Variants in UGT8 observed in about 807,000 individuals in gnomAD.
The protein encoded by UGT8 is 2-hydroxyacylsphingosine 1-beta-galactosyltransferase.
In UGT8, 12 loss-of-function variants were observed where a neutral mutation model predicts 40.5. The ratio of observed to expected loss-of-function variants is 0.30; its 90% CI spans 0.19 to 0.48. The LOEUF (loss-of-function observed/expected upper bound fraction) is 0.48, where lower values mean the gene tolerates loss of function less well. Among genes scored for constraint, UGT8 ranks in the 20% least tolerant of loss-of-function variants. The pLI is 0.99. For missense variants in UGT8, 513 were observed against 648.7 expected, an observed-to-expected ratio of 0.79 and a Z score of 2.27; for synonymous variants, 224 against 240.4, an observed-to-expected ratio of 0.93 and a Z score of 0.63.
chr4:114,602,042 T>C (rs561416959), intron 1 of UGT8, among the ~76,000 whole-genome samples: 2 of 152,344 alleles, frequency 1.3e-5, no homozygotes, highest in Admixed American at 6.5e-5. Context: ...CTGAAATGTT[T>C]AGGTTTCCAG....
At chr4:114,644,141 T>A (rs1385558222) in intron 2 of UGT8, among the ~76,000 whole-genome samples, 2 of 152,122 alleles carry the variant, frequency 1.3e-5, no homozygotes, top group African/African-American at 2.4e-5. Context: ...TGGGGCCCCA[T>A]GTGTAAATGA....
intron 1 of UGT8, among the ~76,000 whole-genome samples, chr4:114,620,796 C>A (rs1731736550): frequency 6.6e-6 from 1 of 152,078 alleles, no homozygotes; most frequent in Non-Finnish European, 1.5e-5. Flanking sequence ...GATTTCTTTA[C>A]ATTGCTTGTA....
intron 2 of UGT8, among the ~76,000 whole-genome samples, chr4:114,625,955 G>A (rs762029160): frequency 7.2e-5 from 11 of 152,122 alleles, no homozygotes; most frequent in Non-Finnish European, 1.2e-4. Flanking sequence ...TACAAAGTTT[G>A]CTTTGTGCCA....
At chr4:114,650,561 T>C (rs1344902126) in intron 2 of UGT8, among the ~76,000 whole-genome samples, 1 of 152,192 alleles carries the variant, frequency 6.6e-6, no homozygotes, top group Non-Finnish European at 1.5e-5. Context: ...TAAAGTATAA[T>C]ATATGTATTC....
Position 114,668,206 on chromosome 4 carries a change from C to G in UGT8, c.1164C>G (p.Thr388=), listed in dbSNP as rs182536670. The G allele has an allele frequency of 1.6e-4, 265 of 1,613,778 alleles. No individual in the cohort carries two copies. Among genetic ancestry groups the G allele is most frequent in the Non-Finnish European group, 2.1e-4 (242 of 1,179,834 alleles). Residue 388 remains threonine, a synonymous_variant, in exon 5 of 6, where the codon ACC becomes ACG. Coordinates refer to ENST00000310836, the MANE Select transcript of UGT8 (RefSeq NM_001128174.3). ...PLFGDHYDTM[T]RVQAKGMGIL... ...TTGGAGACCATTATGATACTATGAC[C>G]AGAGTACAGGCAAAAGGCATGGGGA...
Position 114,622,920 on chromosome 4 carries a change from G to T in UGT8, c.40G>T (p.Ala14Ser), listed in dbSNP as rs551137363. 6.2e-7 allele frequency: 1 copy of T among 1,613,968 alleles called. No homozygotes were observed. Among genetic ancestry groups the T allele is most frequent in the African/African-American group, 1.3e-5 (1 of 75,036 alleles). ...YTPYFILLWS[A>S]VGIAKAAKII... ...TCCATATTTCATTCTCCTGTGGAGT[G>T]CTGTTGGGATAGCGAAGGCTGCCAA... The change falls in exon 2 of 6, where the codon GCT becomes TCT. Residue 14 changes from alanine to serine, a missense_variant. Transcript: ENST00000310836.
In UGT8 at chr4:114,623,517, C is replaced by T; in HGVS notation, c.637C>T (p.Pro213Ser). The change falls in exon 2 of 6, where the codon CCC becomes TCC. Residue 213 changes from proline (P) to serine (S), a missense_variant. By Grantham distance (74) the Pro-to-Ser change is moderately conservative. Coordinates refer to ENST00000310836, the MANE Select transcript of UGT8 (RefSeq NM_001128174.3). ...SRLGVSFLVLPKYERIMQKYN... is the reference protein window; with the variant it reads ...SRLGVSFLVLSKYERIMQKYN... ...ATTAGGGGTCAGCTTTCTGGTTCTTCCCAAATATGAAAGGATAATGCAGAA... is the reference window on the plus strand; with the variant it reads ...ATTAGGGGTCAGCTTTCTGGTTCTTTCCAAATATGAAAGGATAATGCAGAA... The T allele has an allele frequency of 1.2e-6, 2 of 1,614,126 alleles. No homozygotes were observed. Among genetic ancestry groups the T allele is most frequent in the South Asian group, 2.2e-5 (2 of 91,076 alleles).
chr4:114,678,143 CAGT>C lies in UGT8; in HGVS notation c.*1858_*1860del, dbSNP rs1735763702. ...CTTTTTTGGAATTTGATTAAGTTGA[CAGT>C]AGGCACTGATTGGATGATTAAACAT... is the stretch of plus-strand genomic sequence containing the variant. On this transcript the variant is annotated 3_prime_UTR_variant, in exon 6 of 6. Transcript: ENST00000310836. 1.3e-5 allele frequency: 2 copies of C among 152,068 alleles called. No homozygotes were observed. Among genetic ancestry groups the C allele is most frequent in the African/African-American group, 2.4e-5 (1 of 41,390 alleles). The allele number at this position is 152,068 out of a possible 1,614,324, so 9.4% of individuals were successfully genotyped here. A position where few individuals can be genotyped will look rare whatever the true frequency, so the allele number is the denominator to read the frequency against.
chr4:114,605,674 G>A (rs933806928), intron 1 of UGT8, among the ~76,000 whole-genome samples: 2 of 152,028 alleles, frequency 1.3e-5, no homozygotes, highest in African/African-American at 4.8e-5. Flanking sequence ...GAAACATCAA[G>A]TTTAAATAAT....
At chr4:114,635,546 C>T (rs538896864) in intron 2 of UGT8, among the ~76,000 whole-genome samples, 26 of 152,090 alleles carry the variant, frequency 1.7e-4, no homozygotes, top group Non-Finnish European at 3.5e-4. Context: ...TTATACCTTT[C>T]AGCTTTTTGT....
intron 2 of UGT8, among the ~76,000 whole-genome samples, chr4:114,645,554 A>C (rs1733518428): frequency 6.6e-6 from 1 of 152,180 alleles, no homozygotes; most frequent in African/African-American, 2.4e-5. Flanking sequence ...TTGTTAGAAA[A>C]ATACCACAAA....
chr4:114,623,683 C>T lies in UGT8; in HGVS notation c.803C>T (p.Pro268Leu). The T allele has an allele frequency of 6.3e-7, 1 of 1,594,068 alleles. No homozygotes were observed. Among genetic ancestry groups the T allele is most frequent in the Non-Finnish European group, 8.6e-7 (1 of 1,164,898 alleles). Residue 268 changes from proline (P) to leucine (L), a missense_variant, in exon 2 of 6, where the codon CCA becomes CTA. By Grantham distance (98) the Pro-to-Leu change is moderately conservative (BLOSUM62 -3). This residue lies in a region of UGT8 where 335 missense variants were observed against 444.8 expected (regional missense o/e 0.75). Transcript: ENST00000310836. Reference protein sequence around the residue: ...VVYVGGILTKPASPLPEDLQR... With the variant: ...VVYVGGILTKLASPLPEDLQR... ...TATGTAGGAGGAATCCTAACCAAAC[C>T]AGCCAGCCCACTACCAGAAGTAAGG...
chr4:114,652,180 G>A (rs1462597311), intron 2 of UGT8, among the ~76,000 whole-genome samples: 9 of 152,064 alleles, frequency 5.9e-5, no homozygotes. Context: ...TAGCATTTGA[G>A]CTGAGCTTGA....
intron 3 of UGT8, among the ~76,000 whole-genome samples, chr4:114,664,631 A>G (rs1337162094): frequency 6.6e-6 from 1 of 152,176 alleles, no homozygotes; most frequent in Non-Finnish European, 1.5e-5. Context: ...GCCTTTAAAA[A>G]CACAATCACG....
rs193249530 is a variant in UGT8 at position 114,644,239 on chromosome 4, T to A, written c.823-19756T>A. Among the ~76,000 whole-genome samples the A allele has an allele frequency of 3.8e-3, 580 of 152,268 alleles. 3 individuals carry two copies. The highest frequency in any genetic ancestry group is 0.013 in the African/African-American group (561 of 41,560). The stretch of plus-strand genomic sequence containing the variant: ...TTAGGAAGTCTGTCTGTGAATTGCA[T>A]GTGTAGAGTGCTATAATTAATTATA... On this transcript the variant is annotated intron_variant, in intron 2 of 5. Coordinates refer to ENST00000310836, the MANE Select transcript of UGT8 (RefSeq NM_001128174.3).
intron 2 of UGT8, among the ~76,000 whole-genome samples, chr4:114,648,293 G>C (rs1397842485): frequency 6.6e-6 from 1 of 151,862 alleles, no homozygotes; most frequent in African/African-American, 2.4e-5. Flanking sequence ...AGGAAGGAGG[G>C]GTTGTAAATG....
At chr4:114,640,973 G>A (rs944886506) in intron 2 of UGT8, among the ~76,000 whole-genome samples, 1 of 152,088 alleles carries the variant, frequency 6.6e-6, no homozygotes, top group African/African-American at 2.4e-5. Context: ...TACCTTATGT[G>A]AATCTCTGAT....
At chr4:114,619,354 T>A (rs1217459848) in intron 1 of UGT8, 4 of 152,128 alleles carry the variant, frequency 2.6e-5, no homozygotes, top group African/African-American at 9.6e-5. Context: ...TTGTACACTT[T>A]ATTGTTATTG....
chr4:114,635,233 A>G (rs1732817584), intron 2 of UGT8, among the ~76,000 whole-genome samples: 1 of 151,988 alleles, frequency 6.6e-6, no homozygotes. Flanking sequence ...CACTTGTAAT[A>G]CCAGCTACTG....
Sources: gnomAD v4.1 joint callset for allele counts (sites outside exome capture counted in the v4.1 genomes callset) on GRCh38, gnomAD v4.1.1 for gene constraint, gnomAD v4.1.1 regional missense constraint, MANE v1.5 for transcripts, NCBI Gene and HGNC (gene_info 2026-07-23, HGNC 2026-07-21) for gene names.